NCS1: variants seen among roughly 807,000 people sequenced by gnomAD.
NCS1 encodes the protein frequenin homolog.
Under a neutral mutation model 28.4 loss-of-function variants are expected in NCS1, and 6 were observed. The ratio of observed to expected loss-of-function variants is 0.21; its 90% confidence interval spans 0.12 to 0.42. The LOEUF is 0.42. NCS1 is among the 10% of genes least tolerant of loss of function. The probability of loss-of-function intolerance (pLI) is 1.00; values close to 1 mark genes in which losing one functional copy is unlikely to be tolerated. For synonymous variants in NCS1, 86 were observed against 99.3 expected, an observed-to-expected ratio of 0.87 and a Z score of 0.79; for missense variants, 131 against 241.4, an observed-to-expected ratio of 0.54 and a Z score of 3.03.
At chr9:130,213,051 C>T (rs1192668278) in intron 2 of NCS1, among the ~76,000 whole-genome samples, 4 of 152,154 alleles carry the variant, frequency 2.6e-5, no homozygotes, top group Non-Finnish European at 5.9e-5. Flanking sequence ...CAGGAGGTTA[C>T]GTAATGTTTG....
At chr9:130,203,983 T>A (rs973481666) in intron 2 of NCS1, among the ~76,000 whole-genome samples, 4 of 152,142 alleles carry the variant, frequency 2.6e-5, no homozygotes, top group Admixed American at 2.0e-4. Flanking sequence ...AATTTTTATT[T>A]AAAAAATTTT....
At chr9:130,189,880 A>ATG (rs1832793778) in intron 1 of NCS1, among the ~76,000 whole-genome samples, 1 of 47,514 alleles carries the variant, frequency 2.1e-5, no homozygotes, top group Non-Finnish European at 3.4e-5. Flanking sequence ...AAAAAAAAAA[A>ATG]TATATATATA....
At position 130,231,089 on chromosome 9, in the gene NCS1, G is replaced by T. The variant is rs139032830; in HGVS notation, c.*18-1901G>T. Among the ~76,000 whole-genome samples, 1,031 of 152,134 alleles carry T rather than the reference G, an allele frequency of 6.8e-3. 13 individuals carry two copies. Among genetic ancestry groups the T allele is most frequent in the African/African-American group, 0.024 (997 of 41,488 alleles). ...ATTTAGACCATGTGCAGTGGCTGACGCCTGTAATCCCAGCACTTTGGGAGG... is the reference window on the plus strand; with the variant it reads ...ATTTAGACCATGTGCAGTGGCTGACTCCTGTAATCCCAGCACTTTGGGAGG... On this transcript the variant is annotated intron_variant, in intron 7 of 7. Transcript: ENST00000372398.
chr9:130,216,592 T>G (rs4837483), intron 2 of NCS1, among the ~76,000 whole-genome samples: 37,409 of 151,572 alleles, frequency 0.25, 4,904 homozygotes, highest in Admixed American at 0.33. Flanking sequence ...GGTACATGCC[T>G]GTAATCCCAG....
rs558873878 is a variant in NCS1 at position 130,232,573 on chromosome 9, G to C, written c.*18-417G>C. Reference sequence around the variant, plus strand: ...CGAGGCGGGTCTATCATGAGGTCAGGAGTTCGAGACCAGCCTGGCCAAGAT... The same window carrying C: ...CGAGGCGGGTCTATCATGAGGTCAGCAGTTCGAGACCAGCCTGGCCAAGAT... On this transcript the variant is annotated intron_variant, in intron 7 of 7. Transcript: ENST00000372398. The surrounding 1 kb of genome is among the most constrained non-coding windows in gnomAD (Gnocchi z 4.4). 7.3e-4 allele frequency among the ~76,000 whole-genome samples: 111 copies of C among 152,178 alleles called. 1 individual carries two copies. The highest frequency in any genetic ancestry group is 2.5e-3 in the African/African-American group (105 of 41,510).
rs10121555 is a variant in NCS1, at chr9:130,220,819, T to C, written c.307+1016T>C. Among the ~76,000 whole-genome samples, 913 of 151,644 alleles carry C rather than the reference T, an allele frequency of 6.0e-3. 7 individuals are homozygous for C. The highest frequency in any genetic ancestry group is 0.021 in the African/African-American group (880 of 41,300). On this transcript the variant is annotated intron_variant, in intron 4 of 7. Coordinates refer to ENST00000372398, the MANE Select transcript of NCS1 (RefSeq NM_014286.4). ...GCAAAAGCTCCTCCTCTCAATGCAC[T>C]ATTTTATTTTCTAATGTTGACTGTA...
At chr9:130,189,258 C>T (rs577817211) in intron 1 of NCS1, among the ~76,000 whole-genome samples, 3 of 152,254 alleles carry the variant, frequency 2.0e-5, no homozygotes, top group East Asian at 1.9e-4. Flanking sequence ...GTATTGTGAC[C>T]GCCACTATTC....
In NCS1 at chr9:130,183,309, G is replaced by A. The variant is rs797037927; in HGVS notation, c.64+10582G>A. On this transcript the variant is annotated intron_variant, in intron 1 of 7. Coordinates refer to ENST00000372398, the MANE Select transcript of NCS1 (RefSeq NM_014286.4). ...CCGGGTGCCCTGACCATGCGGCTGG[G>A]GGGGGGAGCTCCTTGCCCAGGAGGG... Among the ~76,000 whole-genome samples, 405 of 114,054 alleles carry A rather than the reference G, an allele frequency of 3.6e-3. 4 individuals are homozygous for A. Among genetic ancestry groups the A allele is most frequent in the Middle Eastern group, 0.02 (4 of 198 alleles). 74.8% of individuals were successfully genotyped at this position (114,054 alleles called of 152,430 possible). A position where few individuals can be genotyped will look rare whatever the true frequency, so the allele number is the denominator to read the frequency against.
intron 1 of NCS1, among the ~76,000 whole-genome samples, chr9:130,183,475 GT>G (rs368494213): frequency 2.6e-5 from 4 of 152,200 alleles, no homozygotes; most frequent in African/African-American, 9.6e-5. Flanking sequence ...TTTGAGGAAT[GT>G]TTAACCCAAG....
intron 1 of NCS1, chr9:130,200,308 T>A (rs1176900737): frequency 4.1e-6 from 2 of 485,640 alleles, no homozygotes; most frequent in Non-Finnish European, 7.3e-6. Flanking sequence ...CATTTTTGTT[T>A]GTTTCATGGC....
At chr9:130,210,141 C>T (rs1318269324) in intron 2 of NCS1, among the ~76,000 whole-genome samples, 1 of 152,048 alleles carries the variant, frequency 6.6e-6, no homozygotes, top group Non-Finnish European at 1.5e-5. Context: ...TGGCTCACAC[C>T]TGTAATCCCA....
intron 2 of NCS1, among the ~76,000 whole-genome samples, chr9:130,216,884 T>C (rs781930223): frequency 7.3e-6 from 1 of 136,594 alleles, no homozygotes; most frequent in Non-Finnish European, 1.6e-5. Flanking sequence ...GAAGGAATCG[T>C]CCTCTGAGGA....
At chr9:130,172,791 C>CG (rs535254249) in intron 1 of NCS1, 64 bp downstream of exon 1, 23,923 of 920,778 alleles carry the variant, frequency 0.026, 528 homozygotes, top group Non-Finnish European at 0.032. Flanking sequence ...CCCCCGCCCC[C>CG]GCCCCCCGGA....
intron 7 of NCS1, among the ~76,000 whole-genome samples, chr9:130,228,367 TTTTG>T (rs1260321454): frequency 4.6e-5 from 7 of 151,798 alleles, no homozygotes; most frequent in Non-Finnish European, 7.4e-5. Context: ...AAAGTGTTTT[TTTTG>T]TTTGTTTGTT....
intron 1 of NCS1, among the ~76,000 whole-genome samples, chr9:130,199,665 GCA>G (rs1832916735): frequency 6.6e-6 from 1 of 152,226 alleles, no homozygotes; most frequent in Non-Finnish European, 1.5e-5. Flanking sequence ...TTGAGCTAAA[GCA>G]CAGAGGCCCG....
At chr9:130,205,066 A>G (rs1833006460) in intron 2 of NCS1, among the ~76,000 whole-genome samples, 2 of 152,042 alleles carry the variant, frequency 1.3e-5, no homozygotes, top group Non-Finnish European at 1.5e-5. Context: ...CCTGTGGGGA[A>G]ACGAAGATGA....
chr9:130,200,726 CTTGGG>C (rs1832932156), intron 1 of NCS1: 45 of 1,490,700 alleles, frequency 3.0e-5, no homozygotes, highest in Non-Finnish European at 4.0e-5. Context: ...GCAGGTAGCA[CTTGGG>C]CACCGGGAAG....
intron 1 of NCS1, among the ~76,000 whole-genome samples, chr9:130,174,703 C>T (rs553582372): frequency 3.4e-5 from 5 of 146,710 alleles, no homozygotes; most frequent in East Asian, 2.1e-4. Context: ...CCCAGCTACT[C>T]GGGAGGCTGA....
intron 1 of NCS1, among the ~76,000 whole-genome samples, chr9:130,178,182 A>G (rs1832601896): frequency 6.6e-6 from 1 of 152,142 alleles, no homozygotes; most frequent in Non-Finnish European, 1.5e-5. Flanking sequence ...GAACCTTTCA[A>G]AACTTTCCTG....
Sources: allele counts gnomAD v4.1 joint callset (sites outside exome capture counted in the v4.1 genomes callset), GRCh38; gene constraint gnomAD v4.1.1; non-coding constraint Gnocchi (gnomAD v3.1); transcripts MANE v1.5; gene names NCBI Gene and HGNC (gene_info 2026-07-23, HGNC 2026-07-21).